Variants in CDC42BPB observed in about 807,000 individuals in gnomAD.
CDC42BPB encodes CDC42 binding protein kinase beta.
Under a neutral mutation model 214.9 loss-of-function variants are expected in CDC42BPB, and 37 were observed. The ratio of observed to expected loss-of-function variants is 0.17; its 90% CI spans 0.13 to 0.23. CDC42BPB has a LOEUF of 0.23. Ranked by LOEUF, CDC42BPB falls within the 10% of genes least tolerant of loss-of-function variation. The probability of loss-of-function intolerance (pLI) is 1.00; values close to 1 mark genes in which losing one functional copy is unlikely to be tolerated. For synonymous variants in CDC42BPB, 931 were observed against 884.0 expected, an observed-to-expected ratio of 1.05 and a Z score of -0.94; for missense variants, 1,694 against 2,227.0, an observed-to-expected ratio of 0.76 and a Z score of 4.82.
intron 1 of CDC42BPB, among the ~76,000 whole-genome samples, chr14:103,025,101 C>T (rs1431318428): frequency 6.6e-6 from 1 of 152,134 alleles, no homozygotes; most frequent in Non-Finnish European, 1.5e-5. Flanking sequence ...ACCAGCTGCT[C>T]CTAATGTCAT....
chr14:102,952,874 C>T, intron 23 of CDC42BPB: 1 of 302,636 alleles, frequency 3.3e-6, no homozygotes, highest in Non-Finnish European at 4.9e-6. Flanking sequence ...GGCCAGAGGG[C>T]CGAGGTGGCA....
At chr14:103,036,153 CTTTTTTT>C (rs564909240) in intron 1 of CDC42BPB, among the ~76,000 whole-genome samples, 1 of 135,978 alleles carries the variant, frequency 7.4e-6, no homozygotes, top group Non-Finnish European at 1.6e-5. Flanking sequence ...ATAAAATATT[CTTTTTTT>C]TTTTTTTTTT....
At chr14:103,012,009 C>A (rs1886186013) in intron 2 of CDC42BPB, 88 bp downstream of exon 2, 3 of 836,880 alleles carry the variant, frequency 3.6e-6, no homozygotes, top group Non-Finnish European at 6.2e-6. Flanking sequence ...CATCCCCAAA[C>A]CAATGTATAG....
At chr14:102,977,339 CAAAAA>C (rs56368090) in intron 9 of CDC42BPB, among the ~76,000 whole-genome samples, 3 of 85,110 alleles carry the variant, frequency 3.5e-5, no homozygotes, top group African/African-American at 1.3e-4. Context: ...ACTCCGTCTC[CAAAAA>C]AAAAAAAAAA....
chr14:103,042,513 T>C (rs534761398), intron 1 of CDC42BPB, among the ~76,000 whole-genome samples: 32 of 152,294 alleles, frequency 2.1e-4, no homozygotes, highest in African/African-American at 6.0e-4. Context: ...GGTTTCACCA[T>C]GTTAGCCAGG....
chr14:103,015,642 T>C (rs886214004), intron 1 of CDC42BPB, among the ~76,000 whole-genome samples: 5 of 152,160 alleles, frequency 3.3e-5, no homozygotes, highest in African/African-American at 9.7e-5. Context: ...GTTACTAAGA[T>C]GGAAATACCA....
chr14:103,045,686 A>C (rs1039318709), intron 1 of CDC42BPB, among the ~76,000 whole-genome samples: 4 of 152,166 alleles, frequency 2.6e-5, no homozygotes, highest in Non-Finnish European at 4.4e-5. Flanking sequence ...CTTTCAAGTA[A>C]GTAAGTGTAA....
At chr14:102,954,928 G>T in intron 21 of CDC42BPB, 1 of 401,542 alleles carries the variant, frequency 2.5e-6, no homozygotes, top group Non-Finnish European at 3.4e-6. Flanking sequence ...GTGATTGCGT[G>T]GGCAGGTGGA....
At position 103,003,807 on chromosome 14, in the gene CDC42BPB, C is replaced by T. The variant is rs547613592; in HGVS notation, c.447+121G>A. 1.7e-4 allele frequency: 114 copies of T among 668,236 alleles called. 1 individual carries two copies. The highest frequency in any genetic ancestry group is 2.5e-4 in the Non-Finnish European group (105 of 415,766). 41.4% of individuals were successfully genotyped at this position (668,236 alleles called of 1,614,324 possible). On this transcript the variant is annotated intron_variant, in intron 4 of 36. Transcript: ENST00000361246. ...ATGAAAACAAGCCCCGCCGTTTTAT[C>T]GAGTCCAATACACATTTTTTAAATG...
At position 102,943,806 on chromosome 14, in the gene CDC42BPB, G is replaced by T; in HGVS notation, c.4408+85C>A. The T allele has an allele frequency of 1.5e-6, 2 of 1,312,434 alleles. No homozygotes were observed. The highest frequency in any genetic ancestry group is 2.1e-6 in the Non-Finnish European group (2 of 953,194). 81.3% of individuals were successfully genotyped at this position (1,312,434 alleles called of 1,614,324 possible). A position where few individuals can be genotyped will look rare whatever the true frequency, so the allele number is the denominator to read the frequency against. On this transcript the variant is annotated intron_variant, in intron 30 of 36. Coordinates refer to ENST00000361246, the MANE Select transcript of CDC42BPB (RefSeq NM_006035.4). This position sits in a 1 kb window ranked among gnomAD's most constrained non-coding sequence, Gnocchi z 4.6. ...TGACTACTCAACTAAGGGACTGGAA[G>T]ACAAACCAAAGCAAAATCGAACACA... is the stretch of plus-strand genomic sequence containing the variant.
intron 4 of CDC42BPB, among the ~76,000 whole-genome samples, chr14:103,000,531 T>A (rs1431982488): frequency 5.9e-5 from 9 of 152,214 alleles, no homozygotes; most frequent in Non-Finnish European, 1.5e-5. Flanking sequence ...AACACCTCCA[T>A]CTCTGGGGCC....
chr14:102,982,134 G>C (rs1252970924), intron 7 of CDC42BPB, among the ~76,000 whole-genome samples: 1 of 152,222 alleles, frequency 6.6e-6, no homozygotes, highest in East Asian at 1.9e-4. Flanking sequence ...TTGTCACTAA[G>C]AAGTGGATGA....
At chr14:103,043,751 CTA>C (rs1888138148) in intron 1 of CDC42BPB, among the ~76,000 whole-genome samples, 1 of 151,866 alleles carries the variant, frequency 6.6e-6, no homozygotes, top group African/African-American at 2.4e-5. Flanking sequence ...CTAAAATAAA[CTA>C]TTAGCAGTAT....
In CDC42BPB at chr14:102,933,100, A is replaced by G. The variant is rs1891469626; in HGVS notation, c.*612T>C. On this transcript the variant is annotated 3_prime_UTR_variant, in exon 37 of 37. Coordinates refer to ENST00000361246, the MANE Select transcript of CDC42BPB (RefSeq NM_006035.4). Reference sequence around the variant, plus strand: ...GTGACACTTCATGGCTGCGACCCAGAATGAACTTAATGCACACAGGGACGC... The same window carrying G: ...GTGACACTTCATGGCTGCGACCCAGGATGAACTTAATGCACACAGGGACGC... 6.6e-6 allele frequency: 1 copy of G among 152,498 alleles called. No individual in the cohort carries two copies. Among genetic ancestry groups the G allele is most frequent in the Admixed American group, 6.5e-5 (1 of 15,284 alleles). The allele number at this position is 152,498 out of a possible 1,614,324, so 9.4% of individuals were successfully genotyped here. A position where few individuals can be genotyped will look rare whatever the true frequency, so the allele number is the denominator to read the frequency against.
In CDC42BPB at chr14:103,001,142, C is replaced by T. The variant is rs1416461858; in HGVS notation, c.448-1429G>A. On this transcript the variant is annotated intron_variant, in intron 4 of 36. Coordinates refer to ENST00000361246, the MANE Select transcript of CDC42BPB (RefSeq NM_006035.4). The surrounding 1 kb of genome is among the most constrained non-coding windows in gnomAD (Gnocchi z 5.8). ...CTGTCCCACCCTGTGGAGTCTTCCT[C>T]AAGCCTCCCTGCCACCGCCAAGGGC... Among the ~76,000 whole-genome samples, 1 of 152,222 alleles carries T rather than the reference C, an allele frequency of 6.6e-6. No homozygotes were observed. The highest frequency in any genetic ancestry group is 1.9e-4 in the East Asian group (1 of 5,200).
intron 1 of CDC42BPB, among the ~76,000 whole-genome samples, chr14:103,025,519 AG>A (rs1444761676): frequency 3.3e-5 from 5 of 151,282 alleles, no homozygotes; most frequent in Non-Finnish European, 5.9e-5. Context: ...AAAAAAAAAA[AG>A]AAAAAAAAAA....
chr14:103,028,621 C>T (rs769187942), intron 1 of CDC42BPB, among the ~76,000 whole-genome samples: 2 of 152,224 alleles, frequency 1.3e-5, no homozygotes, highest in Non-Finnish European at 2.9e-5. Context: ...GTGCCTGGTG[C>T]ACAGCTGGCG....
intron 25 of CDC42BPB, 174 bp from the exon 26 acceptor site, chr14:102,950,078 G>A: frequency 1.0e-6 from 1 of 985,500 alleles, no homozygotes; most frequent in Non-Finnish European, 1.2e-6. Context: ...TCCATGCGTG[G>A]CAGCAGACGG....
chr14:103,034,686 T>C (rs986066990), intron 1 of CDC42BPB, among the ~76,000 whole-genome samples: 1 of 152,016 alleles, frequency 6.6e-6, no homozygotes, highest in African/African-American at 2.4e-5. Flanking sequence ...GGTGTGATGA[T>C]ACACATCTAT....
Sources: allele counts gnomAD v4.1 joint callset (sites outside exome capture counted in the v4.1 genomes callset), GRCh38; gene constraint gnomAD v4.1.1; non-coding constraint Gnocchi (gnomAD v3.1); transcripts MANE v1.5; gene names NCBI Gene and HGNC (gene_info 2026-07-23, HGNC 2026-07-21).